The following NSD1 variants were observed in gnomAD, a reference collection of about 807,000 sequenced individuals.
NSD1 encodes the protein histone-lysine N-methyltransferase, H3 lysine-36 specific.
A neutral mutation model predicts 242.7 loss-of-function variants in NSD1; 26 were observed. The observed-to-expected ratio is 0.11, with a 90% confidence interval of 0.08 to 0.15. The LOEUF (loss-of-function observed/expected upper bound fraction) is 0.15. Ranked by LOEUF, NSD1 falls within the 10% of genes least tolerant of loss-of-function variation. The pLI, the probability that NSD1 is intolerant of heterozygous loss-of-function variation, is 1.00. For missense variants in NSD1, 2,495 were observed against 3,272.8 expected, an observed-to-expected ratio of 0.76 and a Z score of 5.80; for synonymous variants, 1,106 against 1,178.1, an observed-to-expected ratio of 0.94 and a Z score of 1.25.
At chr5:177,242,728 A>G (rs984917020) in intron 8 of NSD1, among the ~76,000 whole-genome samples, 1 of 151,810 alleles carries the variant, frequency 6.6e-6, no homozygotes, top group Non-Finnish European at 1.5e-5. Context: ...AGGGTTTCTC[A>G]ATGGTAGTCG....
rs757909532 is a variant in NSD1 at position 177,210,713 on chromosome 5, G to A, written c.2314G>A (p.Ala772Thr). 19 of 1,614,042 alleles carry A rather than the reference G, an allele frequency of 1.2e-5. No individual in the cohort carries two copies. The highest frequency in any genetic ancestry group is 1.5e-5 in the Non-Finnish European group (18 of 1,180,042). The change falls in exon 5 of 23, where the codon GCA becomes ACA. Residue 772 changes from alanine to threonine, a missense_variant. Ala to Thr is a moderately conservative substitution (Grantham distance 58). This residue lies in a region of NSD1 where 515 missense variants were observed against 467.0 expected (regional missense o/e 1.10). Transcript: ENST00000439151. ...SSENSLIKGG[A>T]ANQALLHSKS... ...TGAGAACTCGTTAATAAAGGGTGGG[G>A]CAGCAAATCAAGCTCTATTACATTC...
In NSD1 at chr5:177,152,315, GTGTGTGTA is replaced by G. The variant is rs1483077408; in HGVS notation, c.927+16289_927+16296del. 3.9e-3 allele frequency among the ~76,000 whole-genome samples: 545 copies of G among 140,470 alleles called. 4 individuals carry two copies. Among genetic ancestry groups the G allele is most frequent in the African/African-American group, 9.8e-3 (342 of 34,906 alleles). 92.2% of individuals were successfully genotyped at this position (140,470 alleles called of 152,430 possible). ...GCCACTGTGCCGAGCCAGGTTGTGTGTGTGTGTATGTATGTATGTATGTATGTATGTAT... is the reference window on the plus strand; with the variant it reads ...GCCACTGTGCCGAGCCAGGTTGTGTGTGTATGTATGTATGTATGTATGTAT... On this transcript the variant is annotated intron_variant, in intron 2 of 22. Coordinates refer to ENST00000439151, the MANE Select transcript of NSD1 (RefSeq NM_022455.5).
chr5:177,279,170 C>T (rs1428857457), intron 17 of NSD1, among the ~76,000 whole-genome samples: 1 of 152,146 alleles, frequency 6.6e-6, no homozygotes. Context: ...GATTTCATGC[C>T]ATTTATTTGC....
At chr5:177,146,662 T>G (rs1219805893) in intron 2 of NSD1, among the ~76,000 whole-genome samples, 1 of 152,174 alleles carries the variant, frequency 6.6e-6, no homozygotes, top group African/African-American at 2.4e-5. Flanking sequence ...ATTAAGTTCT[T>G]TGTTTTTATC....
rs1581485223 is a variant in NSD1, at chr5:177,266,010, T to C, written c.5147-1552T>C. The C allele has an allele frequency of 2.9e-6, 3 of 1,030,002 alleles. No individual in the cohort carries two copies. The East Asian group carries it at 7.1e-5, about 24-fold the overall frequency. The allele number at this position is 1,030,002 out of a possible 1,614,324, so 63.8% of individuals were successfully genotyped here. ...AGGGTTTCCTTGATGGCCACATCTT[T>C]GATGCAAGATATATCGAAGCCATAA... On this transcript the variant is annotated intron_variant, in intron 14 of 22. Coordinates refer to ENST00000439151, the MANE Select transcript of NSD1 (RefSeq NM_022455.5).
At chr5:177,258,290 A>T (rs899441043) in intron 13 of NSD1, among the ~76,000 whole-genome samples, 1 of 151,026 alleles carries the variant, frequency 6.6e-6, no homozygotes, top group African/African-American at 2.4e-5. Flanking sequence ...GGCCATTTTT[A>T]TATCTCTGGT....
At chr5:177,286,014 G>C (rs1251145152) in intron 20 of NSD1, among the ~76,000 whole-genome samples, 1 of 152,072 alleles carries the variant, frequency 6.6e-6, no homozygotes, top group Non-Finnish European at 1.5e-5. Context: ...TCCTGCCTCA[G>C]CCTCCTAAGC....
At position 177,193,375 on chromosome 5, in the gene NSD1, C is replaced by T. The variant is rs999162600; in HGVS notation, c.1063+1356C>T. Reference sequence around the variant, plus strand: ...ACCAGGATGGTCTTGATCTCTTGACCTCGTGATCTGCCTGCCTCGGCCTTA... The same window carrying T: ...ACCAGGATGGTCTTGATCTCTTGACTTCGTGATCTGCCTGCCTCGGCCTTA... On this transcript the variant is annotated intron_variant, in intron 3 of 22. Transcript: ENST00000439151. Among the ~76,000 whole-genome samples the T allele has an allele frequency of 2.6e-5, 4 of 152,058 alleles. No homozygotes were observed. In the South Asian group the frequency reaches 8.3e-4, roughly 31 times the overall value.
At chr5:177,278,051 T>G (rs1758543627) in intron 17 of NSD1, among the ~76,000 whole-genome samples, 1 of 152,206 alleles carries the variant, frequency 6.6e-6, no homozygotes, top group Admixed American at 6.5e-5. Context: ...CCTTATGCCT[T>G]ATGGCTTCCA....
intron 2 of NSD1, among the ~76,000 whole-genome samples, chr5:177,167,302 C>T (rs367574405): frequency 5.3e-5 from 8 of 151,772 alleles, no homozygotes; most frequent in African/African-American, 1.2e-4. Context: ...TTTGGGAGGC[C>T]GAGGTGGGTG....
intron 2 of NSD1, among the ~76,000 whole-genome samples, chr5:177,141,720 C>T (rs1205149839): frequency 1.3e-5 from 2 of 152,142 alleles, no homozygotes; most frequent in African/African-American, 4.8e-5. Context: ...GATTCTGCTG[C>T]TACTCCACTC....
intron 5 of NSD1, among the ~76,000 whole-genome samples, chr5:177,214,899 C>T (rs1763648396): frequency 6.6e-6 from 1 of 152,112 alleles, no homozygotes; most frequent in African/African-American, 2.4e-5. Context: ...GACAGGGTGT[C>T]ACCATGTTCC....
chr5:177,162,181 C>G (rs1008577676), intron 2 of NSD1, among the ~76,000 whole-genome samples: 1 of 151,678 alleles, frequency 6.6e-6, no homozygotes, highest in Non-Finnish European at 1.5e-5. Flanking sequence ...GGCTGTAGTC[C>G]CAGCTACTCG....
chr5:177,136,162 G>A, intron 2 of NSD1, 132 bp downstream of exon 2: 3 of 752,572 alleles, frequency 4.0e-6, no homozygotes, highest in South Asian at 1.7e-5. Context: ...CTAATCATAA[G>A]CTTTGGGCAA....
At chr5:177,174,124 T>C (rs973423244) in intron 2 of NSD1, among the ~76,000 whole-genome samples, 7 of 151,644 alleles carry the variant, frequency 4.6e-5, no homozygotes, top group Admixed American at 1.3e-4. Context: ...CCCAGCACTT[T>C]GGGAGTCCGA....
At chr5:177,279,184 T>A (rs1277860789) in intron 17 of NSD1, among the ~76,000 whole-genome samples, 1 of 152,180 alleles carries the variant, frequency 6.6e-6, no homozygotes, top group African/African-American at 2.4e-5. Flanking sequence ...TATTTGCCAC[T>A]TAAGAACAGT....
intron 2 of NSD1, among the ~76,000 whole-genome samples, chr5:177,143,328 A>C (rs930824516): frequency 6.1e-5 from 9 of 148,106 alleles, no homozygotes; most frequent in African/African-American, 2.2e-4. Flanking sequence ...AAGGATAATA[A>C]TTTTTTTTTT....
At chr5:177,265,160 A>T in intron 14 of NSD1, 1 of 762,856 alleles carries the variant, frequency 1.3e-6, no homozygotes, top group Non-Finnish European at 2.4e-6. Flanking sequence ...AGCTTGCTCC[A>T]CTCAGAGAAG....
At chr5:177,277,898 A>T (rs1336600091) in intron 17 of NSD1, among the ~76,000 whole-genome samples, 2 of 152,212 alleles carry the variant, frequency 1.3e-5, no homozygotes, top group East Asian at 3.8e-4. Context: ...ATGAACCTTT[A>T]TGTGTATTTG....
Sources: gnomAD v4.1 joint callset for allele counts (sites outside exome capture counted in the v4.1 genomes callset) on GRCh38, gnomAD v4.1.1 for gene constraint, gnomAD v4.1.1 regional missense constraint, MANE v1.5 for transcripts, NCBI Gene and HGNC (gene_info 2026-07-23, HGNC 2026-07-21) for gene names.